Variants in PHETA1 observed in about 807,000 individuals in gnomAD.
PHETA1 encodes PH domain containing endocytic trafficking adaptor 1, also known as sesquipedalian-1.
For missense variants in PHETA1, 348 were observed against 373.5 expected (o/e 0.93, Z 0.56); for synonymous variants, 155 against 168.9 (o/e 0.92, Z 0.64).
rs1868658337 is a variant in PHETA1, at chr12:111,362,328, GCTGCAGGCCCGGCAATGC to G, written c.*332_*349del. ...GCCCTCAGTCCCAGTGACCCTCTGA[GCTGCAGGCCCGGCAATGC>G]CTGTTGCCAGCACAGGCCTCTGCCC... On this transcript the variant is annotated 3_prime_UTR_variant, in exon 3 of 3. Coordinates refer to ENST00000683047, the MANE Select transcript of PHETA1 (RefSeq NM_144671.6). 1 of 499,558 alleles carries G rather than the reference GCTGCAGGCCCGGCAATGC, an allele frequency of 2.0e-6. No individual in the cohort carries two copies. The highest frequency in any genetic ancestry group is 3.3e-5 in the Admixed American group (1 of 30,368). 30.9% of individuals were successfully genotyped at this position (499,558 alleles called of 1,614,324 possible).
chr12:111,362,341 C>T lies in PHETA1; in HGVS notation c.*337G>A. On this transcript the variant is annotated 3_prime_UTR_variant, in exon 3 of 3. Transcript: ENST00000683047. Reference sequence around the variant, plus strand: ...GTGACCCTCTGAGCTGCAGGCCCGGCAATGCCTGTTGCCAGCACAGGCCTC... The same window carrying T: ...GTGACCCTCTGAGCTGCAGGCCCGGTAATGCCTGTTGCCAGCACAGGCCTC... 1.9e-6 allele frequency: 1 copy of T among 527,892 alleles called. No individual in the cohort carries two copies. Among genetic ancestry groups the T allele is most frequent in the Non-Finnish European group, 3.4e-6 (1 of 294,624 alleles). 32.7% of individuals were successfully genotyped at this position (527,892 alleles called of 1,614,324 possible). A position where few individuals can be genotyped will look rare whatever the true frequency, so the allele number is the denominator to read the frequency against.
At position 111,363,551 on chromosome 12, in the gene PHETA1, C is replaced by A; in HGVS notation, c.-36-88G>T. ...AGGGGACCTTGCAGCCACTCTACAT[C>A]CCCGTTTCACAGATGAGGAAACTGA... On this transcript the variant is annotated intron_variant, in intron 2 of 2. Transcript: ENST00000683047. The surrounding 1 kb of genome is among the most constrained non-coding windows in gnomAD (Gnocchi z 7.4). The A allele has an allele frequency of 2.0e-6, 3 of 1,531,090 alleles. No homozygotes were observed. Among genetic ancestry groups the A allele is most frequent in the Admixed American group, 2.0e-5 (1 of 50,790 alleles). The allele number at this position is 1,531,090 out of a possible 1,614,324, so 94.8% of individuals were successfully genotyped here.
chr12:111,368,378 C>T lies in PHETA1; in HGVS notation c.-182+534G>A, dbSNP rs1456198005. Among the ~76,000 whole-genome samples, 2 of 152,208 alleles carry T rather than the reference C, an allele frequency of 1.3e-5. No homozygotes were observed. The highest frequency in any genetic ancestry group is 2.9e-5 in the Non-Finnish European group (2 of 68,034). On this transcript the variant is annotated intron_variant, in intron 1 of 2. Coordinates refer to ENST00000683047, the MANE Select transcript of PHETA1 (RefSeq NM_144671.6). The surrounding 1 kb of genome is among the most constrained non-coding windows in gnomAD (Gnocchi z 5.0). ...CAGGTCCTGGGGTTGAATCCAGCTGCCCTCAGTGTCCCCCAGCAGCGGGCG... is the reference window on the plus strand; with the variant it reads ...CAGGTCCTGGGGTTGAATCCAGCTGTCCTCAGTGTCCCCCAGCAGCGGGCG...
Position 111,363,743 on chromosome 12 carries a change from G to T in PHETA1, c.-36-280C>A. On this transcript the variant is annotated intron_variant, in intron 2 of 2. Coordinates refer to ENST00000683047, the MANE Select transcript of PHETA1 (RefSeq NM_144671.6). The surrounding 1 kb of genome is among the most constrained non-coding windows in gnomAD (Gnocchi z 7.4). ...TTCCTGCTGCATGCCAGACATTTCA[G>T]AGGAATGAACTCACTTTATCTCACA... 1 of 1,484,302 alleles carries T rather than the reference G, an allele frequency of 6.7e-7. No individual in the cohort carries two copies. The highest frequency in any genetic ancestry group is 9.0e-7 in the Non-Finnish European group (1 of 1,114,208). 91.9% of individuals were successfully genotyped at this position (1,484,302 alleles called of 1,614,324 possible).
At position 111,361,997 on chromosome 12, in the gene PHETA1, G is replaced by C. The variant is rs1868635097; in HGVS notation, c.*681C>G. The C allele has an allele frequency of 2.2e-6, 1 of 456,060 alleles. No individual in the cohort carries two copies. The highest frequency in any genetic ancestry group is 7.0e-5 in the East Asian group (1 of 14,388). 28.3% of individuals were successfully genotyped at this position (456,060 alleles called of 1,614,324 possible). A position where few individuals can be genotyped will look rare whatever the true frequency, so the allele number is the denominator to read the frequency against. On this transcript the variant is annotated 3_prime_UTR_variant, in exon 3 of 3. Coordinates refer to ENST00000683047, the MANE Select transcript of PHETA1 (RefSeq NM_144671.6). ...ACTGCCACCAGGAGCACCACCATGA[G>C]GCCTGGCAGGGGACTTTTGGCAGAG...
rs1184590829 is a variant in PHETA1 at position 111,363,993 on chromosome 12, C to G, written c.-36-530G>C. Among the ~76,000 whole-genome samples the G allele has an allele frequency of 6.6e-6, 1 of 152,192 alleles. No homozygotes were observed. The highest frequency in any genetic ancestry group is 1.5e-5 in the Non-Finnish European group (1 of 68,030). On this transcript the variant is annotated intron_variant, in intron 2 of 2. Coordinates refer to ENST00000683047, the MANE Select transcript of PHETA1 (RefSeq NM_144671.6). This position sits in a 1 kb window ranked among gnomAD's most constrained non-coding sequence, Gnocchi z 7.4. ...TCCCAGCCCTGACTTTGTGGTTCGACTTTGGTTTGTTCATCCATGAAATGG... is the reference window on the plus strand; with the variant it reads ...TCCCAGCCCTGACTTTGTGGTTCGAGTTTGGTTTGTTCATCCATGAAATGG...
chr12:111,365,707 G>A, intron 2 of PHETA1: 7 of 296,026 alleles, frequency 2.4e-5, no homozygotes, highest in East Asian at 1.3e-4. Context: ...AGTGGGAGTT[G>A]AACAATGAGA....
intron 2 of PHETA1, chr12:111,365,523 T>C (rs1168204704): frequency 2.2e-6 from 1 of 455,748 alleles, no homozygotes; most frequent in East Asian, 7.0e-5. Flanking sequence ...CAAATGCCCA[T>C]CAATGATAGA....
Position 111,361,867 on chromosome 12 carries a change from G to T in PHETA1, c.*811C>A. 2.2e-6 allele frequency: 1 copy of T among 456,042 alleles called. No individual in the cohort carries two copies. Among genetic ancestry groups the T allele is most frequent in the Non-Finnish European group, 4.4e-6 (1 of 226,828 alleles). The allele number at this position is 456,042 out of a possible 1,614,324, so 28.2% of individuals were successfully genotyped here. ...GGGAGGTCAGGCAAGCTCCCAAGGG[G>T]CCCCAGGCCTAGGGGCCAAGACTGA... is the stretch of plus-strand genomic sequence containing the variant. On this transcript the variant is annotated 3_prime_UTR_variant, in exon 3 of 3. Transcript: ENST00000683047.
chr12:111,363,713 G>GT lies in PHETA1; in HGVS notation c.-36-251dup. The GT allele has an allele frequency of 2.6e-6, 4 of 1,517,560 alleles. No homozygotes were observed. The highest frequency in any genetic ancestry group is 3.5e-6 in the Non-Finnish European group (4 of 1,135,548). 94.0% of individuals were successfully genotyped at this position (1,517,560 alleles called of 1,614,324 possible). A position where few individuals can be genotyped will look rare whatever the true frequency, so the allele number is the denominator to read the frequency against. On this transcript the variant is annotated intron_variant, in intron 2 of 2. Coordinates refer to ENST00000683047, the MANE Select transcript of PHETA1 (RefSeq NM_144671.6). The surrounding 1 kb of genome is among the most constrained non-coding windows in gnomAD (Gnocchi z 7.4). Reference sequence around the variant, plus strand: ...CCTCCTGTATCCCTGAAATAATGTTGTGAGTTCCTGCTGCATGCCAGACAT... The same window carrying GT: ...CCTCCTGTATCCCTGAAATAATGTTGTTGAGTTCCTGCTGCATGCCAGACAT...
At position 111,361,348 on chromosome 12, in the gene PHETA1, T is replaced by C. The variant is rs1255814432; in HGVS notation, c.*1330A>G. 6.5e-6 allele frequency: 1 copy of C among 153,254 alleles called. No individual in the cohort carries two copies. Among genetic ancestry groups the C allele is most frequent in the Non-Finnish European group, 1.5e-5 (1 of 68,680 alleles). 9.5% of individuals were successfully genotyped at this position (153,254 alleles called of 1,614,324 possible). On this transcript the variant is annotated 3_prime_UTR_variant, in exon 3 of 3. Coordinates refer to ENST00000683047, the MANE Select transcript of PHETA1 (RefSeq NM_144671.6). ...TTGATTGCAGACACACACCCCTCCA[T>C]ATTTCCCCAAGCTCAAGGGTCTCCA...
In PHETA1 at chr12:111,368,734, G is replaced by A. The variant is rs1212455088; in HGVS notation, c.-182+178C>T. Reference sequence around the variant, plus strand: ...GACGTCCCTATGGGCTGAGAGAGGGGAGGGTGGTCATTGGCCAAGTTCGCC... The same window carrying A: ...GACGTCCCTATGGGCTGAGAGAGGGAAGGGTGGTCATTGGCCAAGTTCGCC... On this transcript the variant is annotated intron_variant, in intron 1 of 2. Coordinates refer to ENST00000683047, the MANE Select transcript of PHETA1 (RefSeq NM_144671.6). This position sits in a 1 kb window ranked among gnomAD's most constrained non-coding sequence, Gnocchi z 5.0. Among the ~76,000 whole-genome samples the A allele has an allele frequency of 6.6e-6, 1 of 152,266 alleles. No individual in the cohort carries two copies. Among genetic ancestry groups the A allele is most frequent in the Non-Finnish European group, 1.5e-5 (1 of 68,048 alleles).
Position 111,363,806 on chromosome 12 carries a change from G to A in PHETA1, c.-36-343C>T. The A allele has an allele frequency of 1.6e-6, 2 of 1,240,276 alleles. No homozygotes were observed. The highest frequency in any genetic ancestry group is 2.1e-6 in the Non-Finnish European group (2 of 940,788). 76.8% of individuals were successfully genotyped at this position (1,240,276 alleles called of 1,614,324 possible). A position where few individuals can be genotyped will look rare whatever the true frequency, so the allele number is the denominator to read the frequency against. On this transcript the variant is annotated intron_variant, in intron 2 of 2. Transcript: ENST00000683047. This position sits in a 1 kb window ranked among gnomAD's most constrained non-coding sequence, Gnocchi z 7.4. ...TCACAGGGACTGGCCTGGCACCAGT[G>A]CAACAGATGAGGAAACAGAGGCACA...
At position 111,362,837 on chromosome 12, in the gene PHETA1, G is replaced by A; in HGVS notation, c.591C>T (p.Phe197=). The A allele has an allele frequency of 1.3e-6, 2 of 1,538,976 alleles. No individual in the cohort carries two copies. Among genetic ancestry groups the A allele is most frequent in the South Asian group, 1.2e-5 (1 of 83,902 alleles). The part of the protein sequence containing the change: ...GCAVWSTEAT[F]RPGPEPPPPP... ...GTGGAGGGGGCTCGGGTCCAGGCCT[G>A]AAGGTGGCCTCAGTGCTCCAGACAG... Residue 197 remains phenylalanine, a synonymous_variant, in exon 3 of 3, where the codon TTC becomes TTT. Transcript: ENST00000683047.
chr12:111,362,556 G>A lies in PHETA1; in HGVS notation c.*122C>T, dbSNP rs1868678705. On this transcript the variant is annotated 3_prime_UTR_variant, in exon 3 of 3. Transcript: ENST00000683047. ...CATCCCCCAAAACCAGGCCACTCAG[G>A]GCCTGGGGGCCAGCCTTGCCCATGA... is the stretch of plus-strand genomic sequence containing the variant. The A allele has an allele frequency of 6.5e-7, 1 of 1,536,080 alleles. No individual in the cohort carries two copies. The highest frequency in any genetic ancestry group is 1.4e-5 in the African/African-American group (1 of 73,132).
At position 111,363,008 on chromosome 12, in the gene PHETA1, C is replaced by A. The variant is rs761566107; in HGVS notation, c.420G>T (p.Gln140His). 1.3e-6 allele frequency: 2 copies of A among 1,501,408 alleles called. No homozygotes were observed. Among genetic ancestry groups the A allele is most frequent in the South Asian group, 1.3e-5 (1 of 76,988 alleles). 93.0% of individuals were successfully genotyped at this position (1,501,408 alleles called of 1,614,324 possible). Residue 140 changes from glutamine (Q) to histidine (H), a missense_variant, in exon 3 of 3, where the codon CAG (glutamine) becomes CAT (histidine). By Grantham distance (24) the Gln-to-His change is conservative. Transcript: ENST00000683047. This position sits in a 1 kb window ranked among gnomAD's most constrained non-coding sequence, Gnocchi z 7.4. ...GCAAGGGCAGGGACTGGGGCTGGGGCTGGGGCAGGGCCATGCCACCCCCGC... is the reference window on the plus strand; with the variant it reads ...GCAAGGGCAGGGACTGGGGCTGGGGATGGGGCAGGGCCATGCCACCCCCGC... ...VRGGGGMALPQPQPQSLPLPP... is the reference protein window; with the variant it reads ...VRGGGGMALPHPQPQSLPLPP...
At position 111,361,661 on chromosome 12, in the gene PHETA1, T is replaced by G; in HGVS notation, c.*1017A>C. 1 of 343,114 alleles carries G rather than the reference T, an allele frequency of 2.9e-6. No individual in the cohort carries two copies. Among genetic ancestry groups the G allele is most frequent in the Non-Finnish European group, 5.8e-6 (1 of 172,832 alleles). The allele number at this position is 343,114 out of a possible 1,614,324, so 21.3% of individuals were successfully genotyped here. A position where few individuals can be genotyped will look rare whatever the true frequency, so the allele number is the denominator to read the frequency against. On this transcript the variant is annotated 3_prime_UTR_variant, in exon 3 of 3. Coordinates refer to ENST00000683047, the MANE Select transcript of PHETA1 (RefSeq NM_144671.6). ...TGGGGGCTGAGCTCAGGAGGGGACATGTTAGAGGGGGCTGCCTGGAGCTGA... is the reference window on the plus strand; with the variant it reads ...TGGGGGCTGAGCTCAGGAGGGGACAGGTTAGAGGGGGCTGCCTGGAGCTGA...
At chr12:111,364,942 A>T (rs1249304482) in intron 2 of PHETA1, among the ~76,000 whole-genome samples, 1 of 152,124 alleles carries the variant, frequency 6.6e-6, no homozygotes, top group African/African-American at 2.4e-5. Flanking sequence ...AAAAGAAAGA[A>T]TTTGGGGAAA....
chr12:111,363,441 G>A lies in PHETA1; in HGVS notation c.-14C>T, dbSNP rs2135505518. 1 of 1,603,296 alleles carries A rather than the reference G, an allele frequency of 6.2e-7. No individual in the cohort carries two copies. Among genetic ancestry groups the A allele is most frequent in the East Asian group, 2.2e-5 (1 of 44,670 alleles). On this transcript the variant is annotated 5_prime_UTR_variant, in exon 3 of 3. Coordinates refer to ENST00000683047, the MANE Select transcript of PHETA1 (RefSeq NM_144671.6). The surrounding 1 kb of genome is among the most constrained non-coding windows in gnomAD (Gnocchi z 7.4). ...GTTCAGCTTCATGGTGGCAATCGCG[G>A]GGCCTGGAGGGGAGCCTGGGGCCTG...
Sources: gnomAD v4.1 joint callset for allele counts (sites outside exome capture counted in the v4.1 genomes callset) on GRCh38, gnomAD v4.1.1 for gene constraint, Gnocchi (gnomAD v3.1) non-coding constraint, MANE v1.5 for transcripts, NCBI Gene and HGNC (gene_info 2026-07-23, HGNC 2026-07-21) for gene names.